The following AKAP3 variants were observed in gnomAD, a reference collection of about 807,000 sequenced individuals.
AKAP3 encodes A-kinase anchoring protein 3, also known as A-kinase anchor protein 3.
A neutral mutation model predicts 57.2 loss-of-function variants in AKAP3; 27 were observed. The ratio of observed to expected loss-of-function variants is 0.47; its 90% CI spans 0.35 to 0.65. The LOEUF (loss-of-function observed/expected upper bound fraction) is 0.65, where lower values mean the gene tolerates loss of function less well. Ranked by LOEUF, AKAP3 falls within the 30% of genes least tolerant of loss-of-function variation. AKAP3 has a pLI of 0.01. For synonymous variants in AKAP3, 334 were observed against 392.3 expected (o/e 0.85, Z 1.76); for missense variants, 959 against 1,040.0 (o/e 0.92, Z 1.07).
chr12:4,644,469 G>GC (rs1171260665), intron 2 of AKAP3, among the ~76,000 whole-genome samples: 1 of 152,214 alleles, frequency 6.6e-6, no homozygotes, highest in Non-Finnish European at 1.5e-5. Flanking sequence ...AGGAAGTAAG[G>GC]CCCCTCATGT....
chr12:4,635,674 C>T, intron 4 of AKAP3: 1 of 768,248 alleles, frequency 1.3e-6, no homozygotes, highest in South Asian at 1.5e-5. Flanking sequence ...CAAAGGACTC[C>T]TCATTTGTGG....
intron 5 of AKAP3, among the ~76,000 whole-genome samples, chr12:4,619,727 G>A (rs766568096): frequency 6.6e-6 from 1 of 152,070 alleles, no homozygotes; most frequent in Non-Finnish European, 1.5e-5. Flanking sequence ...GCTCATAGTC[G>A]CATTACTCAT....
At chr12:4,622,827 ATAGAG>A (rs139440243) in intron 5 of AKAP3, among the ~76,000 whole-genome samples, 2,145 of 152,298 alleles carry the variant, frequency 0.014, 34 homozygotes, top group African/African-American at 0.041. Flanking sequence ...GAAACTATTA[ATAGAG>A]TAAACAGACA....
chr12:4,648,310 A>G (rs1479821956), intron 1 of AKAP3: 1 of 152,204 alleles, frequency 6.6e-6, no homozygotes, highest in Non-Finnish European at 1.5e-5. Context: ...CTAAATTTGC[A>G]TAATATTTCA....
In AKAP3 at chr12:4,648,989, T is replaced by C. The variant is rs1174281015; in HGVS notation, c.-489A>G. ...CCCCCTCTCCTTCACTTTCCCAGCT[T>C]TCTTCTTAACCAACAATCTACCCGA... On this transcript the variant is annotated 5_prime_UTR_variant, in exon 1 of 6. Transcript: ENST00000228850. The C allele has an allele frequency of 6.2e-6, 6 of 964,108 alleles. No individual in the cohort carries two copies. In the Admixed American group the frequency reaches 1.3e-4, roughly 21 times the overall value. The allele number at this position is 964,108 out of a possible 1,614,324, so 59.7% of individuals were successfully genotyped here.
chr12:4,643,403 T>G (rs1802108033), intron 2 of AKAP3, among the ~76,000 whole-genome samples: 1 of 152,138 alleles, frequency 6.6e-6, no homozygotes, highest in African/African-American at 2.4e-5. Context: ...GATTCATAAA[T>G]TGCTATAAGT....
intron 2 of AKAP3, among the ~76,000 whole-genome samples, chr12:4,644,758 C>T (rs932943945): frequency 6.6e-6 from 1 of 152,132 alleles, no homozygotes; most frequent in African/African-American, 2.4e-5. Context: ...ACTAGAAATA[C>T]AAAAAATTAG....
At chr12:4,636,807 T>C (rs1214979815) in intron 4 of AKAP3, among the ~76,000 whole-genome samples, 1 of 152,212 alleles carries the variant, frequency 6.6e-6, no homozygotes, top group African/African-American at 2.4e-5. Context: ...TGGAGCTCAG[T>C]GGCATGGTCA....
rs1023348873 is a variant in AKAP3 at position 4,626,880 on chromosome 12, C to A, written c.2022G>T (p.Met674Ile). 1.2e-6 allele frequency: 2 copies of A among 1,613,830 alleles called. No homozygotes were observed. Among genetic ancestry groups the A allele is most frequent in the East Asian group, 4.5e-5 (2 of 44,890 alleles). The change falls in exon 5 of 6, where the codon ATG becomes ATT. Residue 674 changes from methionine (M) to isoleucine (I), a missense_variant. Physicochemically the swap from Met to Ile is conservative, Grantham distance 10. Coordinates refer to ENST00000228850, the MANE Select transcript of AKAP3 (RefSeq NM_001278309.2). ...HMSGQMVEHL[M>I]NSVMKLCVII... is the part of the protein sequence containing the mutation. ...TGACACACAGCTTCATCACTGAGTT[C>A]ATCAGATGTTCTACCATCTGCCCAC...
rs776321188 is a variant in AKAP3 at position 4,627,533 on chromosome 12, C to T, written c.1369G>A (p.Gly457Arg). The T allele has an allele frequency of 2.0e-5, 33 of 1,613,960 alleles. No individual in the cohort carries two copies. Among genetic ancestry groups the T allele is most frequent in the Non-Finnish European group, 2.8e-5 (33 of 1,179,994 alleles). ...TGAGTTTTATGCCACAAGGTAAGCCCCTCTTTGATAATGTGCTCACCCAGA... is the reference window on the plus strand; with the variant it reads ...TGAGTTTTATGCCACAAGGTAAGCCTCTCTTTGATAATGTGCTCACCCAGA... ...KTLGEHIIKE[G>R]LTLWHKTQQK... The change falls in exon 5 of 6, where the codon GGG (glycine) becomes AGG (arginine). Residue 457 changes from glycine (G) to arginine (R), a missense_variant. Transcript: ENST00000228850.
At chr12:4,616,469 T>C (rs2137421715) in intron 5 of AKAP3, among the ~76,000 whole-genome samples, 1 of 152,324 alleles carries the variant, frequency 6.6e-6, no homozygotes, top group Middle Eastern at 3.4e-3. Context: ...TTATCTGGAA[T>C]CCTAAGGGCA....
chr12:4,628,876 G>A (rs1945463769), intron 4 of AKAP3, 71 bp from the exon 5 acceptor site: 2 of 1,482,436 alleles, frequency 1.3e-6, no homozygotes, highest in East Asian at 2.3e-5. Flanking sequence ...CAACCTCAAA[G>A]TTCAGTTACA....
At position 4,620,409 on chromosome 12, in the gene AKAP3, G is replaced by A. The variant is rs779375989; in HGVS notation, c.2407-4515C>T. On this transcript the variant is annotated intron_variant, in intron 5 of 5. Transcript: ENST00000228850. ...GGAGAATCGCTTGAACCTGGGGGGC[G>A]GAGGTTGCAGTGAGCCACGATCGTG... Among the ~76,000 whole-genome samples the A allele has an allele frequency of 1.0e-3, 151 of 149,052 alleles. 1 individual carries two copies. Among genetic ancestry groups the A allele is most frequent in the Non-Finnish European group, 1.7e-3 (112 of 67,498 alleles).
chr12:4,630,739 A>G (rs1315794556), intron 4 of AKAP3, among the ~76,000 whole-genome samples: 3 of 152,194 alleles, frequency 2.0e-5, no homozygotes, highest in Non-Finnish European at 2.9e-5. Flanking sequence ...CATCAATGCA[A>G]TATAATTCTT....
chr12:4,649,032 T>C lies in AKAP3; in HGVS notation c.-532A>G. The C allele has an allele frequency of 7.0e-7, 1 of 1,436,284 alleles. No individual in the cohort carries two copies. Among genetic ancestry groups the C allele is most frequent in the Non-Finnish European group, 9.6e-7 (1 of 1,044,450 alleles). 89.0% of individuals were successfully genotyped at this position (1,436,284 alleles called of 1,614,324 possible). A position where few individuals can be genotyped will look rare whatever the true frequency, so the allele number is the denominator to read the frequency against. On this transcript the variant is annotated 5_prime_UTR_variant, in exon 1 of 6. Transcript: ENST00000228850. ...CTACCCGAAACCGTCGTTTCTTGGT[T>C]AGCGCTTGCGCAGACAGGCGAGAAA... is the stretch of plus-strand genomic sequence containing the variant.
rs1945556938 is a variant in AKAP3 at position 4,635,735 on chromosome 12, A to G, written c.96+2366T>C. ...TGCTCCTCTGTAGTACATTGGTGCT[A>G]GGCTACGGTATCATTCTTGACCAGC... On this transcript the variant is annotated intron_variant, in intron 4 of 5. Transcript: ENST00000228850. 4.2e-6 allele frequency: 3 copies of G among 718,910 alleles called. No homozygotes were observed. The South Asian group carries it at 4.5e-5, about 11-fold the overall frequency. The allele number at this position is 718,910 out of a possible 1,614,324, so 44.5% of individuals were successfully genotyped here.
intron 5 of AKAP3, among the ~76,000 whole-genome samples, chr12:4,618,522 CAAG>C (rs956785917): frequency 1.3e-5 from 2 of 152,176 alleles, no homozygotes; most frequent in South Asian, 2.1e-4. Context: ...TAGGCAAAAA[CAAG>C]GAGAAAATCT....
At chr12:4,637,756 C>T (rs1945584484) in intron 4 of AKAP3, among the ~76,000 whole-genome samples, 1 of 152,044 alleles carries the variant, frequency 6.6e-6, no homozygotes, top group Admixed American at 6.6e-5. Context: ...GCCTTGGAGA[C>T]ATTTATCTCC....
chr12:4,631,480 G>T, intron 4 of AKAP3: 1 of 601,730 alleles, frequency 1.7e-6, no homozygotes, highest in South Asian at 2.1e-5. Flanking sequence ...GTATCACTAT[G>T]TGTCTGTAAT....
Sources: allele counts gnomAD v4.1 joint callset (sites outside exome capture counted in the v4.1 genomes callset), GRCh38; gene constraint gnomAD v4.1.1; transcripts MANE v1.5; gene names NCBI Gene and HGNC (gene_info 2026-07-23, HGNC 2026-07-21).